Variants in TMEM238 observed in about 807,000 individuals in gnomAD.
TMEM238 encodes transmembrane protein 238.
For missense variants in TMEM238, 169 were observed against 206.8 expected (o/e 0.82, Z 1.12); for synonymous variants, 103 against 111.5 (o/e 0.92, Z 0.48).
In TMEM238 at chr19:55,383,385, C is replaced by T. The variant is rs941970354; in HGVS notation, c.*7+337G>A. Among the ~76,000 whole-genome samples, 1 of 151,692 alleles carries T rather than the reference C, an allele frequency of 6.6e-6. No individual in the cohort carries two copies. The highest frequency in any genetic ancestry group is 2.4e-5 in the African/African-American group (1 of 41,258). ...TGAGAGATCCTGTCTCAAAACAACCCCAAACGACAACAAAACAAAACAAAA... is the reference window on the plus strand; with the variant it reads ...TGAGAGATCCTGTCTCAAAACAACCTCAAACGACAACAAAACAAAACAAAA... On this transcript the variant is annotated intron_variant, in intron 1 of 1. Coordinates refer to ENST00000444469, the MANE Select transcript of TMEM238 (RefSeq NM_001190764.2). This position sits in a 1 kb window ranked among gnomAD's most constrained non-coding sequence, Gnocchi z 4.9.
chr19:55,380,217 G>A (rs1296715042), intron 1 of TMEM238, among the ~76,000 whole-genome samples: 3 of 149,346 alleles, frequency 2.0e-5, no homozygotes, highest in African/African-American at 5.0e-5. Flanking sequence ...TCCAAGAGTG[G>A]AGGCCTGTGC....
rs1221142967 is a variant in TMEM238, at chr19:55,383,944, C to G, written c.316G>C (p.Gly106Arg). Reference sequence around the variant, plus strand: ...CGGGCGAGCGCCGAGGGCCGCAGGCCGTAGTCGCGCTCCAGCTCCTGGCGC... The same window carrying G: ...CGGGCGAGCGCCGAGGGCCGCAGGCGGTAGTCGCGCTCCAGCTCCTGGCGC... ...ISRQELERDY[G>R]LRPSALARLA... The change falls in exon 1 of 2, where the codon GGC (glycine) becomes CGC (arginine). Residue 106 changes from glycine to arginine, a missense_variant. By Grantham distance (125) the Gly-to-Arg change is moderately radical (BLOSUM62 -2). Coordinates refer to ENST00000444469, the MANE Select transcript of TMEM238 (RefSeq NM_001190764.2). The surrounding 1 kb of genome is among the most constrained non-coding windows in gnomAD (Gnocchi z 4.9). The G allele has an allele frequency of 7.4e-7, 1 of 1,353,302 alleles. No homozygotes were observed. The highest frequency in any genetic ancestry group is 9.6e-7 in the Non-Finnish European group (1 of 1,039,264). 83.8% of individuals were successfully genotyped at this position (1,353,302 alleles called of 1,614,324 possible).
intron 1 of TMEM238, among the ~76,000 whole-genome samples, chr19:55,380,828 C>G (rs1405972139): frequency 1.3e-5 from 2 of 149,810 alleles, no homozygotes; most frequent in Non-Finnish European, 3.0e-5. Context: ...GCCTTTGCCT[C>G]CCAGGTTCAA....
intron 1 of TMEM238, among the ~76,000 whole-genome samples, chr19:55,381,277 G>A (rs1270038389): frequency 6.6e-6 from 1 of 151,834 alleles, no homozygotes; most frequent in African/African-American, 2.4e-5. Flanking sequence ...AATTAGCCAG[G>A]TGTGGGGGTG....
At chr19:55,381,057 G>C (rs1487475280) in intron 1 of TMEM238, among the ~76,000 whole-genome samples, 1 of 152,130 alleles carries the variant, frequency 6.6e-6, no homozygotes, top group Non-Finnish European at 1.5e-5. Flanking sequence ...CATATGATTG[G>C]GGTGACTATT....
chr19:55,381,442 A>AAG (rs1569037077), intron 1 of TMEM238, among the ~76,000 whole-genome samples: 4 of 149,588 alleles, frequency 2.7e-5, no homozygotes, highest in African/African-American at 1.0e-4. Flanking sequence ...AAAAAAAAAA[A>AAG]AGTTAATTAT....
Position 55,384,172 on chromosome 19 carries a change from C to G in TMEM238, c.88G>C (p.Gly30Arg), listed in dbSNP as rs1485947201. The change falls in exon 1 of 2, where the codon GGC becomes CGC. Residue 30 changes from glycine to arginine, a missense_variant. Transcript: ENST00000444469. The surrounding 1 kb of genome is among the most constrained non-coding windows in gnomAD (Gnocchi z 5.6). ...APAAAPAPAA[G>R]LGRCRMALLL... The stretch of plus-strand genomic sequence containing the variant: ...AGCGCCATCCGGCAGCGGCCCAGGC[C>G]GGCCGCGGGTGCTGGCGCGGCCGCC... The G allele has an allele frequency of 2.5e-6, 3 of 1,209,768 alleles. No individual in the cohort carries two copies. Among genetic ancestry groups the G allele is most frequent in the Non-Finnish European group, 1.0e-6 (1 of 975,280 alleles). The allele number at this position is 1,209,768 out of a possible 1,614,324, so 74.9% of individuals were successfully genotyped here. A position where few individuals can be genotyped will look rare whatever the true frequency, so the allele number is the denominator to read the frequency against.
At chr19:55,379,681 A>G (rs1191241590) in intron 1 of TMEM238, among the ~76,000 whole-genome samples, 2 of 152,140 alleles carry the variant, frequency 1.3e-5, no homozygotes, top group Admixed American at 1.3e-4. Context: ...GACCTGGGAG[A>G]CAGAGACACA....
At chr19:55,381,583 C>A (rs778947816) in intron 1 of TMEM238, among the ~76,000 whole-genome samples, 1 of 152,130 alleles carries the variant, frequency 6.6e-6, no homozygotes, top group African/African-American at 2.4e-5. Flanking sequence ...GTGTACTTAT[C>A]ATTCAGCCCC....
intron 1 of TMEM238, among the ~76,000 whole-genome samples, chr19:55,382,176 C>T (rs769373804): frequency 5.9e-5 from 9 of 151,956 alleles, no homozygotes; most frequent in Non-Finnish European, 8.8e-5. Flanking sequence ...CCCACCCACC[C>T]ATCTATCAAT....
intron 1 of TMEM238, among the ~76,000 whole-genome samples, chr19:55,382,110 CCCAT>C (rs1428062541): frequency 6.6e-6 from 1 of 151,236 alleles, no homozygotes; most frequent in African/African-American, 2.4e-5. Flanking sequence ...TATGCATTCA[CCCAT>C]CCATCCATCA....
Position 55,383,211 on chromosome 19 carries a change from A to G in TMEM238, c.*7+511T>C, listed in dbSNP as rs998769277. Reference sequence around the variant, plus strand: ...GCCCACATGGCAAAACCCCGTCTCTACTAAATATACAAAAATTAGCCCGGC... The same window carrying G: ...GCCCACATGGCAAAACCCCGTCTCTGCTAAATATACAAAAATTAGCCCGGC... On this transcript the variant is annotated intron_variant, in intron 1 of 1. Coordinates refer to ENST00000444469, the MANE Select transcript of TMEM238 (RefSeq NM_001190764.2). This position sits in a 1 kb window ranked among gnomAD's most constrained non-coding sequence, Gnocchi z 4.9. Among the ~76,000 whole-genome samples the G allele has an allele frequency of 1.3e-5, 2 of 152,176 alleles. No individual in the cohort carries two copies. Among genetic ancestry groups the G allele is most frequent in the East Asian group, 3.9e-4 (2 of 5,184 alleles).
In TMEM238 at chr19:55,383,876, GGCGGCGGGCGCCGACCA is replaced by G. The variant is rs1042611719; in HGVS notation, c.367_383del (p.Trp123ArgfsTer?). On this transcript the variant is annotated frameshift_variant, in exon 1 of 2. Coordinates refer to ENST00000444469, the MANE Select transcript of TMEM238 (RefSeq NM_001190764.2). LOFTEE classifies it low-confidence loss of function (END_TRUNC). This position sits in a 1 kb window ranked among gnomAD's most constrained non-coding sequence, Gnocchi z 4.9. Reference sequence around the variant, plus strand: ...AGCCGGGCGCGGGGCGCTGGCCCGCGGCGGCGGGCGCCGACCAGCGGCGGGAGAGCTTGCGCGCCAGG... The same window carrying G: ...AGCCGGGCGCGGGGCGCTGGCCCGCGGCGGCGGGAGAGCTTGCGCGCCAGG... The G allele has an allele frequency of 9.8e-7, 1 of 1,022,720 alleles. No homozygotes were observed. The highest frequency in any genetic ancestry group is 1.2e-6 in the Non-Finnish European group (1 of 843,216). 63.4% of individuals were successfully genotyped at this position (1,022,720 alleles called of 1,614,324 possible). A position where few individuals can be genotyped will look rare whatever the true frequency, so the allele number is the denominator to read the frequency against.
Position 55,383,946 on chromosome 19 carries a change from T to C in TMEM238, c.314A>G (p.Tyr105Cys). 7.4e-7 allele frequency: 1 copy of C among 1,353,872 alleles called. No individual in the cohort carries two copies. The highest frequency in any genetic ancestry group is 9.6e-7 in the Non-Finnish European group (1 of 1,039,848). 83.9% of individuals were successfully genotyped at this position (1,353,872 alleles called of 1,614,324 possible). The part of the protein sequence containing the change: ...EISRQELERD[Y>C]GLRPSALARL... ...GGCGAGCGCCGAGGGCCGCAGGCCG[T>C]AGTCGCGCTCCAGCTCCTGGCGCGA... Residue 105 changes from tyrosine (Y) to cysteine (C), a missense_variant, in exon 1 of 2, where the codon TAC becomes TGC. Tyr to Cys is a radical substitution (Grantham distance 194, BLOSUM62 -2). Coordinates refer to ENST00000444469, the MANE Select transcript of TMEM238 (RefSeq NM_001190764.2). The surrounding 1 kb of genome is among the most constrained non-coding windows in gnomAD (Gnocchi z 4.9).
At position 55,383,986 on chromosome 19, in the gene TMEM238, C is replaced by T; in HGVS notation, c.274G>A (p.Gly92Ser). 1.4e-6 allele frequency: 2 copies of T among 1,424,404 alleles called. No homozygotes were observed. Among genetic ancestry groups the T allele is most frequent in the East Asian group, 3.1e-5 (1 of 32,646 alleles). 88.2% of individuals were successfully genotyped at this position (1,424,404 alleles called of 1,614,324 possible). A position where few individuals can be genotyped will look rare whatever the true frequency, so the allele number is the denominator to read the frequency against. Residue 92 changes from glycine to serine, a missense_variant, in exon 1 of 2, where the codon GGC becomes AGC. Transcript: ENST00000444469. The surrounding 1 kb of genome is among the most constrained non-coding windows in gnomAD (Gnocchi z 4.9). ...SLLGWILWYT[G>S]NIEISRQELE... ...TCCTGGCGCGAGATCTCGATGTTGC[C>T]GGTGTACCAGAGGATCCAGCCCAGC...
chr19:55,380,724 C>T (rs2123262393), intron 1 of TMEM238, among the ~76,000 whole-genome samples: 1 of 151,364 alleles, frequency 6.6e-6, no homozygotes, highest in East Asian at 2.0e-4. Context: ...CATGCCCAAC[C>T]TCATAAAGGA....
At position 55,384,032 on chromosome 19, in the gene TMEM238, C is replaced by CA; in HGVS notation, c.227_228insT (p.Leu77AlafsTer?). On this transcript the variant is annotated frameshift_variant, in exon 1 of 2. Transcript: ENST00000444469. LOFTEE classifies it low-confidence loss of function (END_TRUNC). This position sits in a 1 kb window ranked among gnomAD's most constrained non-coding sequence, Gnocchi z 5.6. ...CCAGCAGGCTCAGGAACACCAGCAG[C>CA]GCGCCCGAGTAGATGAGCAGGTCCC... 1 of 1,484,564 alleles carries CA rather than the reference C, an allele frequency of 6.7e-7. No homozygotes were observed. The highest frequency in any genetic ancestry group is 2.6e-5 in the East Asian group (1 of 37,822). 92.0% of individuals were successfully genotyped at this position (1,484,564 alleles called of 1,614,324 possible).
At chr19:55,382,429 C>T (rs2089890263) in intron 1 of TMEM238, among the ~76,000 whole-genome samples, 1 of 152,202 alleles carries the variant, frequency 6.6e-6, no homozygotes, top group African/African-American at 2.4e-5. Flanking sequence ...AACATAGACA[C>T]AGCACATGGC....
intron 1 of TMEM238, among the ~76,000 whole-genome samples, chr19:55,380,400 TCCTCC>T (rs1406767161): frequency 3.6e-5 from 2 of 56,110 alleles, no homozygotes; most frequent in African/African-American, 7.4e-5. Flanking sequence ...CCTTCCCCCC[TCCTCC>T]CCTCCCCTCC....
Sources: gnomAD v4.1 joint callset for allele counts (sites outside exome capture counted in the v4.1 genomes callset) on GRCh38, gnomAD v4.1.1 for gene constraint, Gnocchi (gnomAD v3.1) non-coding constraint, MANE v1.5 for transcripts, NCBI Gene and HGNC (gene_info 2026-07-23, HGNC 2026-07-21) for gene names.